ZNF285: variants seen among roughly 807,000 people sequenced by gnomAD.
ZNF285 encodes zinc finger protein 285.
ZNF285 carries 4 observed loss-of-function variants against 6.2 expected under a neutral mutation model. The observed-to-expected ratio is 0.65, with a 90% CI of 0.32 to 1.49. The LOEUF (loss-of-function observed/expected upper bound fraction) is 1.49, where lower values mean the gene tolerates loss of function less well. Ranked by LOEUF, ZNF285 falls within the 40% of genes most tolerant of loss-of-function variation. The pLI is 0.07. For missense variants in ZNF285, 695 were observed against 708.8 expected (o/e 0.98, Z 0.22); for synonymous variants, 240 against 245.8 (o/e 0.98, Z 0.22).
chr19:44,388,358 T>C (rs1418031304), intron 3 of ZNF285, among the ~76,000 whole-genome samples: 1 of 147,692 alleles, frequency 6.8e-6, no homozygotes, highest in African/African-American at 2.5e-5. Context: ...GGTGGGAGGA[T>C]CACTCAAGCC....
In ZNF285 at chr19:44,387,393, G is replaced by C; in HGVS notation, c.852C>G (p.Gly284=). 1.2e-6 allele frequency: 2 copies of C among 1,614,122 alleles called. No individual in the cohort carries two copies. The change falls in exon 4 of 4, where the codon GGC becomes GGG. Residue 284 remains glycine, a synonymous_variant. Coordinates refer to ENST00000614994, the MANE Select transcript of ZNF285 (RefSeq NM_152354.6). ...DLIVHCKTHS[G]KTPYEFHEWP... ...ATTCGTGGAATTCATAGGGAGTCTT[G>C]CCAGAGTGAGTTTTACAATGAACGA...
intron 2 of ZNF285, chr19:44,394,474 T>G (rs1245584476): frequency 4.1e-6 from 2 of 486,344 alleles, no homozygotes; most frequent in Non-Finnish European, 7.1e-6. Flanking sequence ...GGTGACAAAA[T>G]TTTACACCAA....
At chr19:44,390,648 T>G (rs1299382860) in intron 3 of ZNF285, among the ~76,000 whole-genome samples, 1 of 152,094 alleles carries the variant, frequency 6.6e-6, no homozygotes, top group Admixed American at 6.5e-5. Flanking sequence ...TCATTGGCTT[T>G]GAAATGTAAG....
chr19:44,400,973 C>T (rs1430277496), intron 1 of ZNF285, among the ~76,000 whole-genome samples: 1 of 152,032 alleles, frequency 6.6e-6, no homozygotes, highest in Non-Finnish European at 1.5e-5. Flanking sequence ...TGCCAAAAGC[C>T]AGAACCTCTG....
In ZNF285 at chr19:44,384,672, A is replaced by T. The variant is rs1484636877; in HGVS notation, c.*1800T>A. The T allele has an allele frequency of 6.6e-6, 1 of 152,014 alleles. No individual in the cohort carries two copies. The highest frequency in any genetic ancestry group is 6.6e-5 in the Admixed American group (1 of 15,262). The allele number at this position is 152,014 out of a possible 1,614,324, so 9.4% of individuals were successfully genotyped here. Reference sequence around the variant, plus strand: ...TATAAGTCAATTAAAACAAAAAAGGACACTGTTTTTGAAGGAAAAAAAAAA... The same window carrying T: ...TATAAGTCAATTAAAACAAAAAAGGTCACTGTTTTTGAAGGAAAAAAAAAA... On this transcript the variant is annotated 3_prime_UTR_variant, in exon 4 of 4. Coordinates refer to ENST00000614994, the MANE Select transcript of ZNF285 (RefSeq NM_152354.6).
intron 2 of ZNF285, among the ~76,000 whole-genome samples, chr19:44,395,619 A>G (rs1361250809): frequency 2.0e-5 from 3 of 152,138 alleles, no homozygotes; most frequent in African/African-American, 7.2e-5. Flanking sequence ...TTTTAAGGAA[A>G]TATATACTGA....
In ZNF285 at chr19:44,383,356, G is replaced by A. The variant is rs1257271316; in HGVS notation, c.*3116C>T. 6.6e-6 allele frequency: 1 copy of A among 152,182 alleles called. No homozygotes were observed. The highest frequency in any genetic ancestry group is 1.5e-5 in the Non-Finnish European group (1 of 68,046). 9.4% of individuals were successfully genotyped at this position (152,182 alleles called of 1,614,324 possible). A position where few individuals can be genotyped will look rare whatever the true frequency, so the allele number is the denominator to read the frequency against. On this transcript the variant is annotated 3_prime_UTR_variant, in exon 4 of 4. Coordinates refer to ENST00000614994, the MANE Select transcript of ZNF285 (RefSeq NM_152354.6). ...GAAAGTATCATTGAGCCTGTTCCCT[G>A]ATGAGGCCTTAAGAGATCACAGCTT... is the stretch of plus-strand genomic sequence containing the variant.
chr19:44,395,475 A>G (rs1971265492), intron 2 of ZNF285, among the ~76,000 whole-genome samples: 1 of 152,208 alleles, frequency 6.6e-6, no homozygotes, highest in African/African-American at 2.4e-5. Context: ...TAACTGTATG[A>G]TAGTATAGAC....
intron 2 of ZNF285, among the ~76,000 whole-genome samples, chr19:44,395,218 G>T (rs1232806310): frequency 1.3e-5 from 2 of 152,258 alleles, no homozygotes; most frequent in African/African-American, 4.8e-5. Context: ...TTTCCTCTAT[G>T]AAGTATTCTT....
chr19:44,389,618 ATTTT>A lies in ZNF285; in HGVS notation c.143-1520_143-1517del, dbSNP rs775323691. On this transcript the variant is annotated intron_variant, in intron 3 of 3. Coordinates refer to ENST00000614994, the MANE Select transcript of ZNF285 (RefSeq NM_152354.6). ...CTTCTGTTTTCTGTTCTATTAATCT[ATTTT>A]TTTTCTTTCTTTCTTTATTATTATT... is the stretch of plus-strand genomic sequence containing the variant. Among the ~76,000 whole-genome samples the A allele has an allele frequency of 9.2e-5, 14 of 151,832 alleles. 1 individual carries two copies. Among genetic ancestry groups the A allele is most frequent in the African/African-American group, 2.2e-4 (9 of 41,382 alleles).
rs115891895 is a variant in ZNF285, at chr19:44,395,206, C to T, written c.15+1993G>A. ...TAAACACATGCAAAAATCTTTAAATCTTTTCCTCTATGAAGTATTCTTGTA... is the reference window on the plus strand; with the variant it reads ...TAAACACATGCAAAAATCTTTAAATTTTTTCCTCTATGAAGTATTCTTGTA... On this transcript the variant is annotated intron_variant, in intron 2 of 3. Coordinates refer to ENST00000614994, the MANE Select transcript of ZNF285 (RefSeq NM_152354.6). 1.5e-3 allele frequency among the ~76,000 whole-genome samples: 228 copies of T among 152,294 alleles called. 1 individual carries two copies. Among genetic ancestry groups the T allele is most frequent in the African/African-American group, 4.8e-3 (198 of 41,526 alleles).
At position 44,392,426 on chromosome 19, in the gene ZNF285, T is replaced by C. The variant is rs144398629; in HGVS notation, c.56A>G (p.Lys19Arg). The change falls in exon 3 of 4, where the codon AAG (lysine) becomes AGG (arginine). Residue 19 changes from lysine to arginine, a missense_variant. Lys to Arg is a conservative substitution (Grantham distance 26, BLOSUM62 2). Transcript: ENST00000614994. ...TTTATCCAATAGTGCCAGCTCTTCC[T>C]TGGTGAAGACAACAGCCACATCCTT... is the stretch of plus-strand genomic sequence containing the variant. ...TFKDVAVVFT[K>R]EELALLDKAQ... is the part of the protein sequence containing the mutation. The C allele has an allele frequency of 6.2e-7, 1 of 1,613,778 alleles. No homozygotes were observed. Among genetic ancestry groups the C allele is most frequent in the African/African-American group, 1.3e-5 (1 of 74,858 alleles).
Position 44,388,070 on chromosome 19 carries a change from G to C in ZNF285, c.175C>G (p.Gln59Glu). The change falls in exon 4 of 4, where the codon CAG becomes GAG. Residue 59 changes from glutamine (Q) to glutamate (E), a missense_variant. Gln to Glu is a conservative substitution (Grantham distance 29, BLOSUM62 2). Transcript: ENST00000614994. ...DGIKNNILNLQAKGLSYLSQE... is the reference protein window; with the variant it reads ...DGIKNNILNLEAKGLSYLSQE... ...GAAAGGTAACTTAACCCCTTTGCCT[G>C]AAGATTCAAAATGTTGTTTTTAATC... is the stretch of plus-strand genomic sequence containing the variant. The C allele has an allele frequency of 1.2e-6, 2 of 1,613,600 alleles. No individual in the cohort carries two copies. Among genetic ancestry groups the C allele is most frequent in the Non-Finnish European group, 1.7e-6 (2 of 1,179,824 alleles).
In ZNF285 at chr19:44,387,922, C is replaced by T. The variant is rs1473337408; in HGVS notation, c.323G>A (p.Ser108Asn). 69 of 1,613,928 alleles carry T rather than the reference C, an allele frequency of 4.3e-5. No individual in the cohort carries two copies. Among genetic ancestry groups the T allele is most frequent in the African/African-American group, 5.3e-5 (4 of 74,922 alleles). Reference protein sequence around the residue: ...CSPHLEDVSLSEEWAGISLQI... With the variant: ...CSPHLEDVSLNEEWAGISLQI... ...AAGAGAAATGCCTGCCCACTCTTCA[C>T]TGAGGGAAACATCTTCTAAATGTGG... The change falls in exon 4 of 4, where the codon AGT (serine) becomes AAT (asparagine). Residue 108 changes from serine (S) to asparagine (N), a missense_variant. By Grantham distance (46) the Ser-to-Asn change is conservative (BLOSUM62 1). Transcript: ENST00000614994.
chr19:44,386,494 T>C lies in ZNF285; in HGVS notation c.1751A>G (p.His584Arg), dbSNP rs749334484. The change falls in exon 4 of 4, where the codon CAT becomes CGT. Residue 584 changes from histidine (H) to arginine (R), a missense_variant. His to Arg is a conservative substitution (Grantham distance 29). Transcript: ENST00000614994. Reference protein sequence around the residue: ...GKDLLTHQRLHEQRETL With the variant: ...GKDLLTHQRLREQRETL Reference sequence around the variant, plus strand: ...CATTTATAATGTTTCTCTCTGCTCATGTAGTCTTTGATGAGTCAGAAGGTC... The same window carrying C: ...CATTTATAATGTTTCTCTCTGCTCACGTAGTCTTTGATGAGTCAGAAGGTC... 6.2e-6 allele frequency: 10 copies of C among 1,612,910 alleles called. No individual in the cohort carries two copies. Among genetic ancestry groups the C allele is most frequent in the South Asian group, 4.4e-5 (4 of 91,042 alleles).
intron 1 of ZNF285, among the ~76,000 whole-genome samples, chr19:44,397,586 T>A (rs1971303444): frequency 6.6e-6 from 1 of 152,048 alleles, no homozygotes; most frequent in South Asian, 2.1e-4. Context: ...AATTGCTGAA[T>A]AAGGGAGCAA....
At position 44,384,159 on chromosome 19, in the gene ZNF285, G is replaced by A. The variant is rs1000466259; in HGVS notation, c.*2313C>T. On this transcript the variant is annotated 3_prime_UTR_variant, in exon 4 of 4. Coordinates refer to ENST00000614994, the MANE Select transcript of ZNF285 (RefSeq NM_152354.6). ...ACATGTGGACATTTTTATAGGTCTA[G>A]ATCATTGTTGATGGAGCCATGTTAT... 1.3e-5 allele frequency: 2 copies of A among 152,176 alleles called. No individual in the cohort carries two copies. The highest frequency in any genetic ancestry group is 2.4e-5 in the African/African-American group (1 of 41,442). 9.4% of individuals were successfully genotyped at this position (152,176 alleles called of 1,614,324 possible). A position where few individuals can be genotyped will look rare whatever the true frequency, so the allele number is the denominator to read the frequency against.
In ZNF285 at chr19:44,385,488, A is replaced by T. The variant is rs913194739; in HGVS notation, c.*984T>A. The T allele has an allele frequency of 5.3e-5, 8 of 152,216 alleles. No individual in the cohort carries two copies. The highest frequency in any genetic ancestry group is 1.9e-4 in the African/African-American group (8 of 41,446). The allele number at this position is 152,216 out of a possible 1,614,324, so 9.4% of individuals were successfully genotyped here. A position where few individuals can be genotyped will look rare whatever the true frequency, so the allele number is the denominator to read the frequency against. On this transcript the variant is annotated 3_prime_UTR_variant, in exon 4 of 4. Coordinates refer to ENST00000614994, the MANE Select transcript of ZNF285 (RefSeq NM_152354.6). ...CCATTTTAGATGGTTGCACTGCCAC[A>T]TCAAGCCTTAAAGATTTAAAAGTTT...
In ZNF285 at chr19:44,388,077, C is replaced by T. The variant is rs924081970; in HGVS notation, c.168G>A (p.Leu56=). The T allele has an allele frequency of 4.3e-6, 7 of 1,613,152 alleles. No homozygotes were observed. In the African/African-American group the frequency reaches 5.3e-5, roughly 12 times the overall value. Residue 56 remains leucine (L), a synonymous_variant, in exon 4 of 4, where the codon TTG becomes TTA. Transcript: ENST00000614994. ...AACTTAACCCCTTTGCCTGAAGATTCAAAATGTTGTTTTTAATCCCGTCTC... is the reference window on the plus strand; with the variant it reads ...AACTTAACCCCTTTGCCTGAAGATTTAAAATGTTGTTTTTAATCCCGTCTC... ...LVRDGIKNNI[L]NLQAKGLSYL...
Sources: allele counts gnomAD v4.1 joint callset (sites outside exome capture counted in the v4.1 genomes callset), GRCh38; gene constraint gnomAD v4.1.1; transcripts MANE v1.5; gene names NCBI Gene and HGNC (gene_info 2026-07-23, HGNC 2026-07-21).